The following MSX2 variants were observed in gnomAD, a reference collection of about 807,000 sequenced individuals.
MSX2 encodes msh homeobox 2, also known as homeobox protein MSX-2.
Under a neutral mutation model 18.4 loss-of-function variants are expected in MSX2, and 10 were observed. That is an observed-to-expected ratio of 0.54 (90% CI 0.34 to 0.92). The LOEUF (loss-of-function observed/expected upper bound fraction) is 0.92, where lower values mean the gene tolerates loss of function less well. Among genes scored for constraint, MSX2 ranks in the 40% least tolerant of loss-of-function variants. The pLI, the probability that MSX2 is intolerant of heterozygous loss-of-function variation, is 0.02. For synonymous variants in MSX2, 170 were observed against 165.6 expected (o/e 1.03, Z -0.20); for missense variants, 339 against 364.0 (o/e 0.93, Z 0.56).
At position 174,729,686 on chromosome 5, in the gene MSX2, C is replaced by T; in HGVS notation, c.*103C>T. The stretch of plus-strand genomic sequence containing the variant: ...AGCCAGTACTCCTGCTCTGCTAACC[C>T]TGCGTGCACCACCCTAAGCGGCTAG... On this transcript the variant is annotated 3_prime_UTR_variant, in exon 2 of 2. Transcript: ENST00000239243. 1 of 1,234,918 alleles carries T rather than the reference C, an allele frequency of 8.1e-7. No homozygotes were observed. The highest frequency in any genetic ancestry group is 1.2e-5 in the South Asian group (1 of 82,418). The allele number at this position is 1,234,918 out of a possible 1,614,324, so 76.5% of individuals were successfully genotyped here.
intron 1 of MSX2, among the ~76,000 whole-genome samples, 176 bp from the exon 2 acceptor site, chr5:174,728,983 G>A (rs1318595087): frequency 6.8e-6 from 1 of 146,398 alleles, no homozygotes; most frequent in Non-Finnish European, 1.5e-5. Flanking sequence ...GTGTGTGTGT[G>A]TGTGTGTGTG....
chr5:174,728,000 C>T (rs1264839566), intron 1 of MSX2, among the ~76,000 whole-genome samples: 1 of 152,198 alleles, frequency 6.6e-6, no homozygotes, highest in Non-Finnish European at 1.5e-5. Context: ...TATTCTATCA[C>T]CACAGCTCTA....
rs201103544 is a variant in MSX2 at position 174,729,502 on chromosome 5, G to A, written c.723G>A (p.Pro241=). ...CGTCCATATATGGAGCATCCTACCCGTTCCATAGACCTGTGCTTCCCATCC... is the reference window on the plus strand; with the variant it reads ...CGTCCATATATGGAGCATCCTACCCATTCCATAGACCTGTGCTTCCCATCC... The part of the protein sequence containing the change: ...QAASIYGASY[P]FHRPVLPIPP... The change falls in exon 2 of 2, where the codon CCG becomes CCA. Residue 241 remains proline, a synonymous_variant. Coordinates refer to ENST00000239243, the MANE Select transcript of MSX2 (RefSeq NM_002449.5). 178 of 1,613,894 alleles carry A rather than the reference G, an allele frequency of 1.1e-4. 1 individual carries two copies. The Admixed American group carries it at 2.3e-3, about 21-fold the overall frequency.
intron 1 of MSX2, among the ~76,000 whole-genome samples, chr5:174,726,606 A>T (rs912641952): frequency 6.6e-6 from 1 of 151,020 alleles, no homozygotes; most frequent in Admixed American, 6.6e-5. Flanking sequence ...AAAAAAAAAA[A>T]GCTGGGGACC....
chr5:174,726,217 A>G (rs796706552), intron 1 of MSX2, among the ~76,000 whole-genome samples: 7 of 151,992 alleles, frequency 4.6e-5, no homozygotes, highest in African/African-American at 1.7e-4. Flanking sequence ...GCCATCCCCT[A>G]CCTGTAGGAA....
At position 174,730,766 on chromosome 5, in the gene MSX2, CCCTCCGGTATA is replaced by C. The variant is rs1215746291; in HGVS notation, c.*1187_*1197del. The C allele has an allele frequency of 3.3e-5, 5 of 152,578 alleles. No homozygotes were observed. The highest frequency in any genetic ancestry group is 5.9e-5 in the Non-Finnish European group (4 of 68,032). The allele number at this position is 152,578 out of a possible 1,614,324, so 9.5% of individuals were successfully genotyped here. On this transcript the variant is annotated 3_prime_UTR_variant, in exon 2 of 2. Coordinates refer to ENST00000239243, the MANE Select transcript of MSX2 (RefSeq NM_002449.5). The stretch of plus-strand genomic sequence containing the variant: ...TCACCTTCCTGTCCATCTGTCCCCT[CCCTCCGGTATA>C]CCTTTATCCCTTTGAAAGGGTGCTT...
rs1373121328 is a variant in MSX2, at chr5:174,725,049, G to A, written c.379+11G>A. ...ATTCGCCGCCGCCAAGTGAGTGCGCGCCGGGGCAGGAGTAGGAGGTAGCGC... is the reference window on the plus strand; with the variant it reads ...ATTCGCCGCCGCCAAGTGAGTGCGCACCGGGGCAGGAGTAGGAGGTAGCGC... On this transcript the variant is annotated intron_variant, in intron 1 of 1. Coordinates refer to ENST00000239243, the MANE Select transcript of MSX2 (RefSeq NM_002449.5). The A allele has an allele frequency of 6.2e-7, 1 of 1,609,312 alleles. No homozygotes were observed. The highest frequency in any genetic ancestry group is 1.7e-4 in the Middle Eastern group (1 of 6,056).
rs4647952 is a variant in MSX2 at position 174,724,643 on chromosome 5, C to G, written c.-17C>G. On this transcript the variant is annotated 5_prime_UTR_variant, in exon 1 of 2. Transcript: ENST00000239243. ...CAGCGGAGTCGCGCGTCGGGAGCTA[C>G]GTAGGGCAGAGAAGTCATGGCTTCT... The G allele has an allele frequency of 0.033, 52,649 of 1,579,412 alleles. 1,013 individuals carry two copies. Among genetic ancestry groups the G allele is most frequent in the Non-Finnish European group, 0.036 (41,864 of 1,163,634 alleles).
At chr5:174,729,079 T>C (rs1760866578) in intron 1 of MSX2, 80 bp from the exon 2 acceptor site, 7 of 1,430,824 alleles carry the variant, frequency 4.9e-6, no homozygotes, top group Non-Finnish European at 6.8e-6. Context: ...CCTAGAGAGA[T>C]GACGGGGGAG....
chr5:174,724,780 A>C lies in MSX2; in HGVS notation c.121A>C (p.Lys41Gln). ...GGGGGCCGCGGAGGAGCGCCGCGTC[A>C]AGGTCTCCAGCCTGCCCTTCAGCGT... ...AEGAAEERRVKVSSLPFSVEA... is the reference protein window; with the variant it reads ...AEGAAEERRVQVSSLPFSVEA... The change falls in exon 1 of 2, where the codon AAG becomes CAG. Residue 41 changes from lysine to glutamine, a missense_variant. Lys to Gln is a moderately conservative substitution (Grantham distance 53, BLOSUM62 1). Coordinates refer to ENST00000239243, the MANE Select transcript of MSX2 (RefSeq NM_002449.5). The C allele has an allele frequency of 1.9e-6, 3 of 1,556,354 alleles. No homozygotes were observed. The highest frequency in any genetic ancestry group is 1.9e-4 in the Middle Eastern group (1 of 5,312).
rs74727414 is a variant in MSX2 at position 174,729,111 on chromosome 5, T to A, written c.380-48T>A. ...GGAGATGGGTTTTTTTTAGTATTAT[T>A]TTAATGTAACTTTCTTTTGCTAATC... On this transcript the variant is annotated intron_variant, in intron 1 of 1. Coordinates refer to ENST00000239243, the MANE Select transcript of MSX2 (RefSeq NM_002449.5). 4.7e-3 allele frequency: 7,519 copies of A among 1,588,482 alleles called. 284 individuals carry two copies. The African/African-American group carries it at 0.087, about 18-fold the overall frequency.
intron 1 of MSX2, 172 bp downstream of exon 1, chr5:174,725,210 T>G: frequency 9.6e-7 from 1 of 1,042,414 alleles, no homozygotes. Flanking sequence ...GCGCGCCCAG[T>G]GCGCCGTCCG....
At position 174,729,148 on chromosome 5, in the gene MSX2, C is replaced by G. The variant is rs376158014; in HGVS notation, c.380-11C>G. On this transcript the variant is annotated splice_polypyrimidine_tract_variant and intron_variant, in intron 1 of 1. Coordinates refer to ENST00000239243, the MANE Select transcript of MSX2 (RefSeq NM_002449.5). ...TTCTTTTGCTAATCCGCTCCTCTCT[C>G]TGTTCTCTAGGACATATGAGCCCTA... 21 of 1,613,386 alleles carry G rather than the reference C, an allele frequency of 1.3e-5. No individual in the cohort carries two copies. In the African/African-American group the frequency reaches 2.5e-4, roughly 19 times the overall value.
At chr5:174,726,660 G>A (rs1254335251) in intron 1 of MSX2, among the ~76,000 whole-genome samples, 1 of 151,964 alleles carries the variant, frequency 6.6e-6, no homozygotes, top group Non-Finnish European at 1.5e-5. Flanking sequence ...AGGGCTCTGG[G>A]TACTCTTAAA....
chr5:174,728,890 C>T (rs1486799405), intron 1 of MSX2, among the ~76,000 whole-genome samples: 1 of 151,986 alleles, frequency 6.6e-6, no homozygotes, highest in Non-Finnish European at 1.5e-5. Context: ...GTCCCCCTCC[C>T]CCCAAGAAAC....
chr5:174,725,137 T>G, intron 1 of MSX2, 99 bp downstream of exon 1: 1 of 1,503,934 alleles, frequency 6.6e-7, no homozygotes, highest in Middle Eastern at 1.8e-4. Flanking sequence ...CCCTTCTGCG[T>G]GCGCTACACT....
rs1760896308 is a variant in MSX2 at position 174,730,144 on chromosome 5, ACAT to A, written c.*565_*567del. ...AGAGATTATTCAAAGTGAAGGGGAC[ACAT>A]CATATTTCTGCATTTTACTTGCATT... On this transcript the variant is annotated 3_prime_UTR_variant, in exon 2 of 2. Transcript: ENST00000239243. 1 of 152,186 alleles carries A rather than the reference ACAT, an allele frequency of 6.6e-6. No individual in the cohort carries two copies. The highest frequency in any genetic ancestry group is 1.5e-5 in the Non-Finnish European group (1 of 68,054). The allele number at this position is 152,186 out of a possible 1,614,324, so 9.4% of individuals were successfully genotyped here.
intron 1 of MSX2, among the ~76,000 whole-genome samples, chr5:174,726,656 C>T (rs1760806811): frequency 6.6e-6 from 1 of 151,260 alleles, no homozygotes. Flanking sequence ...AGACAGGGCT[C>T]TGGGTACTCT....
chr5:174,725,073 G>A (rs1470220629), intron 1 of MSX2, 35 bp downstream of exon 1: 1 of 1,605,628 alleles, frequency 6.2e-7, no homozygotes, highest in South Asian at 1.1e-5. Context: ...AGGAGGTAGC[G>A]CGGGGTACTG....
Sources: allele counts gnomAD v4.1 joint callset (sites outside exome capture counted in the v4.1 genomes callset), GRCh38; gene constraint gnomAD v4.1.1; transcripts MANE v1.5; gene names NCBI Gene and HGNC (gene_info 2026-07-23, HGNC 2026-07-21).